LSM4: variants seen among roughly 807,000 people sequenced by gnomAD.
The protein encoded by LSM4 is U6 snRNA-associated Sm-like protein LSm4.
Under a neutral mutation model 22.3 loss-of-function variants are expected in LSM4, and 15 were observed. The ratio of observed to expected loss-of-function variants is 0.67; its 90% CI spans 0.45 to 1.03. The LOEUF (loss-of-function observed/expected upper bound fraction) is 1.03, where lower values mean the gene tolerates loss of function less well. Among genes scored for constraint, LSM4 ranks in the 50% least tolerant of loss-of-function variants. The pLI is 0.00. For synonymous variants in LSM4, 90 were observed against 79.8 expected (o/e 1.13, Z -0.68); for missense variants, 127 against 198.0 (o/e 0.64, Z 2.15).
chr19:18,310,671 C>T (rs1427102001), intron 3 of LSM4, among the ~76,000 whole-genome samples: 3 of 152,186 alleles, frequency 2.0e-5, no homozygotes. Context: ...GACAGACCCA[C>T]GCACGACGCC....
chr19:18,315,980 TG>T (rs60931638), intron 2 of LSM4, 43 bp downstream of exon 2: 91,702 of 1,601,532 alleles, frequency 0.057, 2,984 homozygotes, highest in Non-Finnish European at 0.062. Context: ...GTGCTGAGGC[TG>T]GCCCCCTCTC....
At chr19:18,309,593 C>T in intron 4 of LSM4, 85 bp downstream of exon 4, 1 of 1,434,854 alleles carries the variant, frequency 7.0e-7, no homozygotes, top group Non-Finnish European at 9.3e-7. Flanking sequence ...CGAGGCAGCG[C>T]TGCAAGGGCA....
Position 18,312,693 on chromosome 19 carries a change from G to C in LSM4, c.55C>G (p.Leu19Val), listed in dbSNP as rs1970311520. Residue 19 changes from leucine to valine, a missense_variant, in exon 3 of 5, where the codon CTG becomes GTG. Physicochemically the swap from Leu to Val is conservative, Grantham distance 32. Coordinates refer to ENST00000593829, the MANE Select transcript of LSM4 (RefSeq NM_012321.5). ...CCATTGTACGTCTCCCCATTTTTCA[G>C]CTCCACCAACTAGAAGAGAGACAGG... ...TAQNHPMLVELKNGETYNGHL... is the reference protein window; with the variant it reads ...TAQNHPMLVEVKNGETYNGHL... 1 of 1,613,148 alleles carries C rather than the reference G, an allele frequency of 6.2e-7. No individual in the cohort carries two copies. The highest frequency in any genetic ancestry group is 8.5e-7 in the Non-Finnish European group (1 of 1,179,328).
At chr19:18,322,984 T>G (rs1201136334) in intron 1 of LSM4, 34 bp downstream of exon 1, 9 of 1,591,302 alleles carry the variant, frequency 5.7e-6, no homozygotes, top group Non-Finnish European at 6.8e-6. Context: ...TGTTCCCGCC[T>G]CCCGGTGAGA....
chr19:18,316,980 C>T (rs1443662761), intron 1 of LSM4, among the ~76,000 whole-genome samples: 1 of 152,054 alleles, frequency 6.6e-6, no homozygotes, highest in East Asian at 2.0e-4. Flanking sequence ...CTTTGCTGGG[C>T]ACGGTGGTGC....
At position 18,307,231 on chromosome 19, in the gene LSM4, C is replaced by T; in HGVS notation, c.*233G>A. On this transcript the variant is annotated 3_prime_UTR_variant, in exon 5 of 5. Transcript: ENST00000593829. The stretch of plus-strand genomic sequence containing the variant: ...ACACAGACTCTTCTAGGAATCCAGC[C>T]AGTTTTGGGACGGCCGTTTCACAAA... 2.4e-6 allele frequency: 1 copy of T among 419,902 alleles called. No individual in the cohort carries two copies. The highest frequency in any genetic ancestry group is 4.2e-6 in the Non-Finnish European group (1 of 236,610). 26.0% of individuals were successfully genotyped at this position (419,902 alleles called of 1,614,324 possible).
chr19:18,316,066 C>G lies in LSM4; in HGVS notation c.4-1G>C. 1.2e-6 allele frequency: 2 copies of G among 1,613,638 alleles called. No individual in the cohort carries two copies. The highest frequency in any genetic ancestry group is 1.7e-6 in the Non-Finnish European group (2 of 1,179,712). On this transcript the variant is annotated splice_acceptor_variant, in intron 1 of 4. Transcript: ENST00000593829. LOFTEE classifies it high-confidence loss of function. Reference sequence around the variant, plus strand: ...CCGTCTTCAGCAGTGACAAGGGAAGCTGAAAGGCAAATAAAGCCACATGAT... The same window carrying G: ...CCGTCTTCAGCAGTGACAAGGGAAGGTGAAAGGCAAATAAAGCCACATGAT...
At chr19:18,309,961 G>T in intron 3 of LSM4, 100 bp from the exon 4 acceptor site, 1 of 1,127,812 alleles carries the variant, frequency 8.9e-7, no homozygotes, top group Non-Finnish European at 1.3e-6. Context: ...CCTGCACCCC[G>T]TACCACCCCT....
intron 3 of LSM4, 144 bp from the exon 4 acceptor site, chr19:18,310,005 T>C: frequency 1.4e-6 from 1 of 731,662 alleles, no homozygotes. Context: ...GGGACATACG[T>C]GGCAAAGGGT....
At chr19:18,310,774 G>A (rs563176187) in intron 3 of LSM4, among the ~76,000 whole-genome samples, 3 of 152,328 alleles carry the variant, frequency 2.0e-5, no homozygotes, top group Admixed American at 6.5e-5. Flanking sequence ...CTGGGGGCAA[G>A]GTCTAAGAAC....
chr19:18,318,877 G>T (rs1233780198), intron 1 of LSM4, among the ~76,000 whole-genome samples: 2 of 152,258 alleles, frequency 1.3e-5, no homozygotes, highest in African/African-American at 4.8e-5. Flanking sequence ...CAGCCTGGGA[G>T]GACCCACGGC....
chr19:18,311,910 T>A (rs1360812460), intron 3 of LSM4, among the ~76,000 whole-genome samples: 2 of 152,042 alleles, frequency 1.3e-5, no homozygotes, highest in Non-Finnish European at 2.9e-5. Flanking sequence ...CCCAGCAGTT[T>A]CCTCCCTATA....
intron 1 of LSM4, among the ~76,000 whole-genome samples, chr19:18,320,537 G>A (rs1354950889): frequency 1.3e-5 from 2 of 152,104 alleles, no homozygotes; most frequent in Non-Finnish European, 2.9e-5. Flanking sequence ...AGTGGCTCAC[G>A]CCTGTAATCC....
intron 3 of LSM4, among the ~76,000 whole-genome samples, chr19:18,310,809 A>G (rs951783319): frequency 3.9e-5 from 6 of 152,166 alleles, no homozygotes; most frequent in Admixed American, 3.9e-4. Flanking sequence ...CTAGGGCCCG[A>G]GATCCTGCCC....
intron 4 of LSM4, among the ~76,000 whole-genome samples, chr19:18,307,874 T>TGGA (rs972152283): frequency 2.9e-5 from 4 of 139,096 alleles, no homozygotes; most frequent in African/African-American, 1.1e-4. Flanking sequence ...AAGGGTTTCC[T>TGGA]GGAGGAGGAG....
intron 1 of LSM4, among the ~76,000 whole-genome samples, chr19:18,317,931 G>GA (rs1460018665): frequency 6.6e-6 from 1 of 152,192 alleles, no homozygotes; most frequent in African/African-American, 2.4e-5. Context: ...TTTGGAAACA[G>GA]AAAACTCAAC....
chr19:18,309,721 C>T lies in LSM4; in HGVS notation c.285G>A (p.Gln95=). The T allele has an allele frequency of 6.2e-7, 1 of 1,611,852 alleles. No homozygotes were observed. Among genetic ancestry groups the T allele is most frequent in the Non-Finnish European group, 8.5e-7 (1 of 1,179,222 alleles). ...TGCCGCGGCCTTTCTGCTGCTTCTG[C>T]TGCTGCAGGCCTCCGCGGCCGCGGC... ...AKGRGRGGLQ[Q]QKQQKGRGMG... is the part of the protein sequence containing the mutation. Residue 95 remains glutamine, a synonymous_variant, in exon 4 of 5, where the codon CAG becomes CAA. Coordinates refer to ENST00000593829, the MANE Select transcript of LSM4 (RefSeq NM_012321.5).
At chr19:18,312,285 C>T (rs576322177) in intron 3 of LSM4, 108 of 303,814 alleles carry the variant, frequency 3.6e-4, no homozygotes, top group African/African-American at 1.5e-3. Context: ...CAGCAGAGTC[C>T]GGGAGTCTTG....
In LSM4 at chr19:18,309,853, G is replaced by T; in HGVS notation, c.153C>A (p.Asp51Glu). ...REVICTSRDG[D>E]KFWRMPECYI... ...AGCACTCGGGCATCCGCCAGAACTT[G>T]TCCCCGTCCTGCGGAGAAGGGGAGC... The change falls in exon 4 of 5, where the codon GAC becomes GAA. Residue 51 changes from aspartate to glutamate, a missense_variant. Physicochemically the swap from Asp to Glu is conservative, Grantham distance 45. Coordinates refer to ENST00000593829, the MANE Select transcript of LSM4 (RefSeq NM_012321.5). The T allele has an allele frequency of 6.2e-7, 1 of 1,613,502 alleles. No homozygotes were observed. The highest frequency in any genetic ancestry group is 8.5e-7 in the Non-Finnish European group (1 of 1,179,780).
Sources: allele counts gnomAD v4.1 joint callset (sites outside exome capture counted in the v4.1 genomes callset), GRCh38; gene constraint gnomAD v4.1.1; transcripts MANE v1.5; gene names NCBI Gene and HGNC (gene_info 2026-07-23, HGNC 2026-07-21).